The following PLCB1 variants were observed in gnomAD, a reference collection of about 807,000 sequenced individuals.
PLCB1 encodes 1-phosphatidylinositol 4,5-bisphosphate phosphodiesterase beta-1.
Under a neutral mutation model 161.8 loss-of-function variants are expected in PLCB1, and 46 were observed. The ratio of observed to expected loss-of-function variants is 0.28; its 90% CI spans 0.22 to 0.36. The LOEUF (loss-of-function observed/expected upper bound fraction) is 0.36, where lower values mean the gene tolerates loss of function less well. PLCB1 is among the 10% of genes least tolerant of loss of function. The pLI, the probability that PLCB1 is intolerant of heterozygous loss-of-function variation, is 1.00. For missense variants in PLCB1, 1,016 were observed against 1,472.5 expected, an observed-to-expected ratio of 0.69 and a Z score of 5.07; for synonymous variants, 517 against 503.7, an observed-to-expected ratio of 1.03 and a Z score of -0.35.
chr20:8,246,498 G>T (rs540548217), intron 2 of PLCB1, among the ~76,000 whole-genome samples: 9 of 152,038 alleles, frequency 5.9e-5, no homozygotes, highest in Non-Finnish European at 1.3e-4. Context: ...GACACAGCAT[G>T]GTTTCCACCA....
intron 4 of PLCB1, among the ~76,000 whole-genome samples, chr20:8,631,833 G>A (rs1286864315): frequency 6.6e-6 from 1 of 152,138 alleles, no homozygotes; most frequent in Non-Finnish European, 1.5e-5. Flanking sequence ...TCTTTTGGAT[G>A]TCTCCAGGTT....
At chr20:8,722,234 T>A (rs758551552) in intron 14 of PLCB1, 120 bp from the exon 15 acceptor site, 54 of 672,520 alleles carry the variant, frequency 8.0e-5, no homozygotes, top group Non-Finnish European at 1.3e-4. Flanking sequence ...AAAAAATAAT[T>A]TTAAACAGCC....
chr20:8,865,654 A>T (rs1987403079), intron 31 of PLCB1, among the ~76,000 whole-genome samples: 1 of 152,188 alleles, frequency 6.6e-6, no homozygotes, highest in Non-Finnish European at 1.5e-5. Flanking sequence ...TCCTTTCATA[A>T]TGTGGCTCCA....
intron 2 of PLCB1, among the ~76,000 whole-genome samples, chr20:8,302,601 A>G (rs541949735): frequency 1.3e-5 from 2 of 152,350 alleles, no homozygotes; most frequent in South Asian, 4.1e-4. Context: ...TCTCTTCATC[A>G]TGTTTTCAGA....
intron 3 of PLCB1, among the ~76,000 whole-genome samples, chr20:8,474,419 G>T (rs904297693): frequency 2.0e-5 from 3 of 152,172 alleles, no homozygotes; most frequent in African/African-American, 7.2e-5. Context: ...GTGGATATTT[G>T]TTGGGGAAAT....
chr20:8,805,204 CT>C (rs1984477565), intron 31 of PLCB1, among the ~76,000 whole-genome samples: 1 of 151,958 alleles, frequency 6.6e-6, no homozygotes, highest in African/African-American at 2.4e-5. Context: ...TCAGCTAGAC[CT>C]TAATAGGTGA....
intron 25 of PLCB1, among the ~76,000 whole-genome samples, chr20:8,763,708 GATGGGGTTTCACC>G (rs1408753222): frequency 2.0e-5 from 3 of 151,872 alleles, no homozygotes; most frequent in Admixed American, 2.0e-4. Context: ...TTTTAGTAGA[GATGGGGTTTCACC>G]ATGTTGGCCA....
chr20:8,872,875 T>C (rs1987655084), intron 31 of PLCB1, among the ~76,000 whole-genome samples: 1 of 152,184 alleles, frequency 6.6e-6, no homozygotes, highest in South Asian at 2.1e-4. Flanking sequence ...AGGCCTCCTC[T>C]TCCAATCTCT....
intron 6 of PLCB1, among the ~76,000 whole-genome samples, chr20:8,648,862 G>A (rs1439638716): frequency 6.6e-6 from 1 of 151,456 alleles, no homozygotes; most frequent in Non-Finnish European, 1.5e-5. Context: ...GATCACTTGA[G>A]CATGGGAAGT....
chr20:8,584,890 C>A (rs1600170379), intron 3 of PLCB1, among the ~76,000 whole-genome samples: 2 of 152,098 alleles, frequency 1.3e-5, no homozygotes. Flanking sequence ...GATGTTTCAC[C>A]ATGTTGGTCA....
chr20:8,151,949 C>T (rs1328945855), intron 2 of PLCB1, among the ~76,000 whole-genome samples: 3 of 152,046 alleles, frequency 2.0e-5, no homozygotes, highest in African/African-American at 7.2e-5. Context: ...GGTTTAGGAC[C>T]AAAGGCTCTT....
chr20:8,805,824 T>C (rs1269014976), intron 31 of PLCB1, among the ~76,000 whole-genome samples: 1 of 152,212 alleles, frequency 6.6e-6, no homozygotes, highest in Non-Finnish European at 1.5e-5. Flanking sequence ...CTCTTTCTTA[T>C]GTTGACATGG....
At chr20:8,745,056 A>G (rs967708390) in intron 23 of PLCB1, among the ~76,000 whole-genome samples, 1 of 152,146 alleles carries the variant, frequency 6.6e-6, no homozygotes, top group African/African-American at 2.4e-5. Context: ...TTTTAGAAAA[A>G]ATTTTAGAGG....
chr20:8,386,000 C>A (rs1175252771), intron 3 of PLCB1, among the ~76,000 whole-genome samples: 3 of 152,248 alleles, frequency 2.0e-5, no homozygotes, highest in African/African-American at 4.8e-5. Flanking sequence ...AAGATTGCAG[C>A]AAAGCAGTCA....
At chr20:8,331,556 C>T (rs1600320855) in intron 2 of PLCB1, among the ~76,000 whole-genome samples, 1 of 152,162 alleles carries the variant, frequency 6.6e-6, no homozygotes, top group South Asian at 2.1e-4. Context: ...ATTTTTCTGA[C>T]AGAAGTTACT....
At chr20:8,752,971 A>ATCTGTATTTATAGCTTC (rs150956180) in intron 23 of PLCB1, among the ~76,000 whole-genome samples, 7 of 151,778 alleles carry the variant, frequency 4.6e-5, no homozygotes, top group Non-Finnish European at 1.0e-4. Flanking sequence ...GCAAAGCTTC[A>ATCTGTATTTATAGCTTC]TCCCCATCAC....
intron 3 of PLCB1, among the ~76,000 whole-genome samples, chr20:8,381,397 GT>G (rs1378404161): frequency 6.6e-6 from 1 of 151,844 alleles, no homozygotes; most frequent in Non-Finnish European, 1.5e-5. Flanking sequence ...TTGGCCTGAA[GT>G]TTTTTTTGTT....
At chr20:8,504,872 G>A (rs1020134042) in intron 3 of PLCB1, among the ~76,000 whole-genome samples, 4 of 152,166 alleles carry the variant, frequency 2.6e-5, no homozygotes, top group African/African-American at 4.8e-5. Context: ...ATATTGGATA[G>A]TTTTTGTTTT....
At chr20:8,628,704 G>T (rs1988434129) in intron 4 of PLCB1, 3 of 307,046 alleles carry the variant, frequency 9.8e-6, no homozygotes, top group Non-Finnish European at 1.9e-5. Flanking sequence ...GGAGGCCGAG[G>T]CGGACAGATC....
Sources: allele counts gnomAD v4.1 joint callset (sites outside exome capture counted in the v4.1 genomes callset), GRCh38; gene constraint gnomAD v4.1.1; transcripts MANE v1.5; gene names NCBI Gene and HGNC (gene_info 2026-07-23, HGNC 2026-07-21).